Variants in UNC5D observed in about 807,000 individuals in gnomAD.
UNC5D encodes the protein unc-5 netrin receptor D.
UNC5D carries 39 observed loss-of-function variants against 105.4 expected under a neutral mutation model. That is an observed-to-expected ratio of 0.37 (90% CI 0.29 to 0.48). The LOEUF (loss-of-function observed/expected upper bound fraction) is 0.48. Ranked by LOEUF, UNC5D falls within the 20% of genes least tolerant of loss-of-function variation. UNC5D has a pLI of 0.98. For missense variants in UNC5D, 991 were observed against 1,202.4 expected (o/e 0.82, Z 2.60); for synonymous variants, 452 against 450.4 (o/e 1.00, Z -0.04).
intron 1 of UNC5D, among the ~76,000 whole-genome samples, chr8:35,321,323 A>G (rs1809723699): frequency 6.6e-6 from 1 of 152,098 alleles, no homozygotes; most frequent in African/African-American, 2.4e-5. Flanking sequence ...TGTAATCCCC[A>G]TAATACCCAT....
chr8:35,283,659 C>T (rs548959802), intron 1 of UNC5D, among the ~76,000 whole-genome samples: 1 of 152,152 alleles, frequency 6.6e-6, no homozygotes, highest in South Asian at 2.1e-4. Flanking sequence ...CAAAAATTAG[C>T]TGGGCATGGT....
At chr8:35,533,695 C>T (rs1023250199) in intron 1 of UNC5D, among the ~76,000 whole-genome samples, 4 of 152,232 alleles carry the variant, frequency 2.6e-5, no homozygotes, top group East Asian at 1.9e-4. Flanking sequence ...TAGCAATCAG[C>T]GAGATTCCGT....
At chr8:35,737,281 TGTGTGTGTGTGTGTGTGTG>T (rs1829520113) in intron 11 of UNC5D, among the ~76,000 whole-genome samples, 1 of 149,468 alleles carries the variant, frequency 6.7e-6, no homozygotes, top group African/African-American at 2.5e-5. Flanking sequence ...TGTGTGTGTG[TGTGTGTGTGTGTGTGTGTG>T]TTAATGTGTG....
chr8:35,435,930 T>G (rs2128979265), intron 1 of UNC5D, among the ~76,000 whole-genome samples: 1 of 152,210 alleles, frequency 6.6e-6, no homozygotes, highest in Non-Finnish European at 1.5e-5. Flanking sequence ...AATGATTATT[T>G]TCTTGGAAAT....
At chr8:35,408,991 T>G (rs531901729) in intron 1 of UNC5D, among the ~76,000 whole-genome samples, 2 of 152,128 alleles carry the variant, frequency 1.3e-5, no homozygotes, top group Non-Finnish European at 2.9e-5. Flanking sequence ...TCCTATAGTT[T>G]TGCATTTTCT....
chr8:35,726,681 GCAAAC>G, intron 10 of UNC5D, 152 bp downstream of exon 10: 2 of 1,199,876 alleles, frequency 1.7e-6, no homozygotes, highest in Non-Finnish European at 2.3e-6. Flanking sequence ...GATTTACACA[GCAAAC>G]CAGAACCAAT....
chr8:35,541,283 G>A (rs1586088106), intron 1 of UNC5D, among the ~76,000 whole-genome samples: 1 of 152,166 alleles, frequency 6.6e-6, no homozygotes, highest in South Asian at 2.1e-4. Context: ...TATTGAACAC[G>A]ATGTGAACCA....
At chr8:35,299,125 T>C (rs1266069462) in intron 1 of UNC5D, among the ~76,000 whole-genome samples, 2 of 152,170 alleles carry the variant, frequency 1.3e-5, no homozygotes, top group Non-Finnish European at 2.9e-5. Context: ...CTAAGGAATA[T>C]GTAAAATATA....
chr8:35,669,227 A>C (rs532342997), intron 4 of UNC5D, among the ~76,000 whole-genome samples: 11 of 152,214 alleles, frequency 7.2e-5, no homozygotes, highest in Middle Eastern at 6.8e-3. Flanking sequence ...GCATCACTGA[A>C]TTAATTATTC....
chr8:35,439,103 T>C (rs140152748), intron 1 of UNC5D, among the ~76,000 whole-genome samples: 63 of 152,036 alleles, frequency 4.1e-4, no homozygotes, highest in African/African-American at 1.5e-3. Context: ...GTTCTAGATC[T>C]TGAAATGCGG....
At position 35,790,473 on chromosome 8, in the gene UNC5D, G is replaced by C; in HGVS notation, c.2772G>C (p.Glu924Asp). 6.2e-7 allele frequency: 1 copy of C among 1,613,946 alleles called. No individual in the cohort carries two copies. Among genetic ancestry groups the C allele is most frequent in the East Asian group, 2.2e-5 (1 of 44,854 alleles). ...DLDSLACALE[E>D]IGRTHTKLSN... ...ACTCCCTGGCCTGTGCCCTTGAAGAGATTGGGAGGACACACACGAAACTCT... is the reference window on the plus strand; with the variant it reads ...ACTCCCTGGCCTGTGCCCTTGAAGACATTGGGAGGACACACACGAAACTCT... The change falls in exon 17 of 17, where the codon GAG (glutamate) becomes GAC (aspartate). Residue 924 changes from glutamate (E) to aspartate (D), a missense_variant. By Grantham distance (45) the Glu-to-Asp change is conservative. Transcript: ENST00000404895.
At chr8:35,480,809 C>T (rs1169424171) in intron 1 of UNC5D, among the ~76,000 whole-genome samples, 3 of 152,190 alleles carry the variant, frequency 2.0e-5, no homozygotes, top group Non-Finnish European at 4.4e-5. Context: ...GGAATAATAA[C>T]TCTAGACCCT....
intron 7 of UNC5D, among the ~76,000 whole-genome samples, chr8:35,695,280 G>T (rs920188903): frequency 6.6e-6 from 1 of 152,128 alleles, no homozygotes; most frequent in Admixed American, 6.5e-5. Context: ...CAGCTGGTAG[G>T]ATTTGGTCCT....
At chr8:35,590,929 A>G (rs1819127479) in intron 3 of UNC5D, among the ~76,000 whole-genome samples, 1 of 152,118 alleles carries the variant, frequency 6.6e-6, no homozygotes, top group Non-Finnish European at 1.5e-5. Context: ...CATATTTATG[A>G]TATATTATGC....
Position 35,235,781 on chromosome 8 carries a change from G to C in UNC5D, c.-4G>C. ...GAGCCGCCCTCCGGAACGCGGCGAG[G>C]AGCATGGGGAGAGCGGCGGCCACCG... On this transcript the variant is annotated 5_prime_UTR_variant, in exon 1 of 17. Transcript: ENST00000404895. 8.1e-7 allele frequency: 1 copy of C among 1,229,938 alleles called. No homozygotes were observed. Among genetic ancestry groups the C allele is most frequent in the Non-Finnish European group, 1.0e-6 (1 of 985,960 alleles). The allele number at this position is 1,229,938 out of a possible 1,614,324, so 76.2% of individuals were successfully genotyped here. A position where few individuals can be genotyped will look rare whatever the true frequency, so the allele number is the denominator to read the frequency against.
chr8:35,621,829 T>A (rs1821376372), intron 4 of UNC5D, among the ~76,000 whole-genome samples: 1 of 152,114 alleles, frequency 6.6e-6, no homozygotes, highest in African/African-American at 2.4e-5. Flanking sequence ...GTAGGGTGGT[T>A]TCTTCAAAAT....
chr8:35,537,003 A>T (rs1473123542), intron 1 of UNC5D, among the ~76,000 whole-genome samples: 1 of 146,928 alleles, frequency 6.8e-6, no homozygotes, highest in Admixed American at 7.1e-5. Context: ...CTCTAAACAA[A>T]ACAAAACAAA....
In UNC5D at chr8:35,271,333, G is replaced by A. The variant is rs62503917; in HGVS notation, c.103+35446G>A. On this transcript the variant is annotated intron_variant, in intron 1 of 16. Transcript: ENST00000404895. Reference sequence around the variant, plus strand: ...CGTGTGTATGTATATGCATACACACGTGCATGTGTGTATGTATATGCATAC... The same window carrying A: ...CGTGTGTATGTATATGCATACACACATGCATGTGTGTATGTATATGCATAC... 3.6e-3 allele frequency among the ~76,000 whole-genome samples: 374 copies of A among 102,528 alleles called. 11 individuals are homozygous for A. Among genetic ancestry groups the A allele is most frequent in the African/African-American group, 0.015 (351 of 22,914 alleles). 67.3% of individuals were successfully genotyped at this position (102,528 alleles called of 152,430 possible).
At chr8:35,706,047 GA>G in intron 8 of UNC5D, 86 bp downstream of exon 8, 1 of 905,334 alleles carries the variant, frequency 1.1e-6, no homozygotes, top group Non-Finnish European at 1.6e-6. Context: ...GAGCAGAATT[GA>G]AGTTCCTATG....
Sources: gnomAD v4.1 joint callset for allele counts (sites outside exome capture counted in the v4.1 genomes callset) on GRCh38, gnomAD v4.1.1 for gene constraint, MANE v1.5 for transcripts, NCBI Gene and HGNC (gene_info 2026-07-23, HGNC 2026-07-21) for gene names.